HOXC4: variants seen among roughly 807,000 people sequenced by gnomAD.
HOXC4 encodes homeobox C4.
Under a neutral mutation model 25.5 loss-of-function variants are expected in HOXC4, and 15 were observed. That is an observed-to-expected ratio of 0.59 (90% CI 0.39 to 0.91). HOXC4 has a LOEUF of 0.91. Among genes scored for constraint, HOXC4 ranks in the 40% least tolerant of loss-of-function variants. The pLI, the probability that HOXC4 is intolerant of heterozygous loss-of-function variation, is 0.00. For synonymous variants in HOXC4, 165 were observed against 148.0 expected, an observed-to-expected ratio of 1.11 and a Z score of -0.83; for missense variants, 342 against 352.4, an observed-to-expected ratio of 0.97 and a Z score of 0.24.
chr12:54,045,927 C>T (rs1170432933), intron 1 of HOXC4, among the ~76,000 whole-genome samples: 3 of 152,170 alleles, frequency 2.0e-5, no homozygotes, highest in African/African-American at 7.2e-5. Flanking sequence ...CCGAAGCTCC[C>T]TACCTCTCAA....
intron 1 of HOXC4, chr12:54,029,878 G>C (rs1940915029): frequency 1.2e-6 from 2 of 1,612,586 alleles, no homozygotes; most frequent in African/African-American, 1.3e-5. Flanking sequence ...CTCTCTCGGG[G>C]GGCGGCGGAG....
At chr12:54,028,302 C>A in intron 1 of HOXC4, 1 of 417,792 alleles carries the variant, frequency 2.4e-6, no homozygotes. Flanking sequence ...ACTTTCAAAG[C>A]ACACACTTAG....
chr12:54,029,791 C>T (rs754192842), intron 1 of HOXC4: 1 of 1,614,100 alleles, frequency 6.2e-7, no homozygotes, highest in Non-Finnish European at 8.5e-7. Flanking sequence ...ACGCGCTTTG[C>T]CTGACCGAGC....
chr12:54,021,708 C>T (rs1322688851), intron 1 of HOXC4: 1 of 152,292 alleles, frequency 6.6e-6, no homozygotes, highest in Non-Finnish European at 1.5e-5. Context: ...TTGGTCACCC[C>T]AGGCACTGGG....
intron 1 of HOXC4, among the ~76,000 whole-genome samples, chr12:54,031,658 T>C (rs750500934): frequency 1.3e-5 from 2 of 152,134 alleles, no homozygotes; most frequent in African/African-American, 2.4e-5. Flanking sequence ...CCGCCAGAGT[T>C]TTCCGGGCCC....
chr12:54,055,120 C>T lies in HOXC4; in HGVS notation c.710C>T (p.Ala237Val). 1 of 1,613,316 alleles carries T rather than the reference C, an allele frequency of 6.2e-7. No homozygotes were observed. Among genetic ancestry groups the T allele is most frequent in the African/African-American group, 1.3e-5 (1 of 74,924 alleles). Residue 237 changes from alanine to valine, a missense_variant, in exon 2 of 2, where the codon GCA (alanine) becomes GTA (valine). By Grantham distance (64) the Ala-to-Val change is moderately conservative. Transcript: ENST00000430889. ...PAGAAPSTLS[A>V]ATPGTSEDHS... ...GGCGCTGCGCCCAGCACCCTTTCGG[C>T]AGCTACCCCGGGTACTTCTGAAGAC... is the stretch of plus-strand genomic sequence containing the variant.
intron 1 of HOXC4, among the ~76,000 whole-genome samples, chr12:54,039,497 G>A (rs1390914753): frequency 6.6e-6 from 1 of 151,920 alleles, no homozygotes; most frequent in Non-Finnish European, 1.5e-5. Context: ...CCTCAGTCTC[G>A]GCCAAGATTC....
rs751093193 is a variant in HOXC4, at chr12:54,054,086, C to T, written c.164C>T (p.Pro55Leu). The T allele has an allele frequency of 5.0e-6, 8 of 1,614,212 alleles. No individual in the cohort carries two copies. The highest frequency in any genetic ancestry group is 1.3e-5 in the African/African-American group (1 of 75,050). ...CATCACCACCAGGAGCTGTACCCAC[C>T]ACCGCCTCCGCGCCCTAGCTACCCT... Reference protein sequence around the residue: ...FQHHHQELYPPPPPRPSYPER... With the variant: ...FQHHHQELYPLPPPRPSYPER... The change falls in exon 1 of 2, where the codon CCA becomes CTA. Residue 55 changes from proline to leucine, a missense_variant. Physicochemically the swap from Pro to Leu is moderately conservative, Grantham distance 98 (BLOSUM62 -3). Transcript: ENST00000430889.
chr12:54,049,447 A>G (rs1228845538), upstream of HOXC4, among the ~76,000 whole-genome samples: 1 of 152,196 alleles, frequency 6.6e-6, no homozygotes, highest in African/African-American at 2.4e-5. Flanking sequence ...GCAAGGCAAG[A>G]GAAATCCATG....
chr12:54,046,048 C>G (rs772743958), intron 1 of HOXC4, among the ~76,000 whole-genome samples: 1 of 152,172 alleles, frequency 6.6e-6, no homozygotes, highest in Admixed American at 6.5e-5. Flanking sequence ...CTCCCTACAC[C>G]CCCCACTGGG....
intron 1 of HOXC4, chr12:54,021,664 C>T (rs1177770664): frequency 2.6e-5 from 4 of 152,314 alleles, no homozygotes; most frequent in African/African-American, 9.7e-5. Flanking sequence ...TTCCTCCCGC[C>T]CTTCAAGGAG....
intron 1 of HOXC4, chr12:54,034,149 C>A: frequency 1.1e-6 from 1 of 896,774 alleles, no homozygotes; most frequent in Non-Finnish European, 1.8e-6. Context: ...CTGCGGCCCG[C>A]GTGGCCTGTC....
intron 1 of HOXC4, among the ~76,000 whole-genome samples, chr12:54,037,263 T>C (rs1401812206): frequency 6.6e-6 from 1 of 152,232 alleles, no homozygotes; most frequent in Non-Finnish European, 1.5e-5. Context: ...GGGCTTCTGC[T>C]TTGGGGCCTG....
chr12:54,054,269 C>T lies in HOXC4; in HGVS notation c.347C>T (p.Ala116Val). The change falls in exon 1 of 2, where the codon GCC becomes GTC. Residue 116 changes from alanine to valine, a missense_variant. Transcript: ENST00000430889. ...GCCTCCCCGTCCCCAGCCCCGCCAG[C>T]CTGCAGCCAGCCAGCCCCCGACCAT... Reference protein sequence around the residue: ...ASASPSPAPPACSQPAPDHPS... With the variant: ...ASASPSPAPPVCSQPAPDHPS... 1.2e-6 allele frequency: 2 copies of T among 1,610,084 alleles called. No individual in the cohort carries two copies. The highest frequency in any genetic ancestry group is 1.7e-6 in the Non-Finnish European group (2 of 1,178,122).
At chr12:54,051,342 A>C (rs1329242091), upstream of HOXC4, among the ~76,000 whole-genome samples, 1 of 151,970 alleles carries the variant, frequency 6.6e-6, no homozygotes, top group Non-Finnish European at 1.5e-5. Context: ...TACAGTTCAG[A>C]CTTAGGTACT....
At chr12:54,030,733 T>C (rs1940956270) in intron 1 of HOXC4, 1 of 152,620 alleles carries the variant, frequency 6.6e-6, no homozygotes, top group Non-Finnish European at 1.5e-5. Flanking sequence ...AATAAATAAA[T>C]AAATCCCTTC....
chr12:54,036,024 G>A (rs1467361668), intron 1 of HOXC4, among the ~76,000 whole-genome samples: 1 of 152,132 alleles, frequency 6.6e-6, no homozygotes, highest in African/African-American at 2.4e-5. Flanking sequence ...AATTAACTGG[G>A]AAAGGAGCTG....
chr12:54,040,137 C>T (rs1360994279), intron 1 of HOXC4, among the ~76,000 whole-genome samples: 1 of 152,158 alleles, frequency 6.6e-6, no homozygotes, highest in Non-Finnish European at 1.5e-5. Context: ...TTGGTTTTCC[C>T]ACCCACTACC....
chr12:54,053,908 C>T lies in HOXC4; in HGVS notation c.-15C>T. 9 of 1,584,696 alleles carry T rather than the reference C, an allele frequency of 5.7e-6. No homozygotes were observed. Among genetic ancestry groups the T allele is most frequent in the Non-Finnish European group, 7.8e-6 (9 of 1,156,716 alleles). ...ACGACAAAGCGAGAAAAATTATTTTCCACTCCAGAAATTAATGATCATGAG... is the reference window on the plus strand; with the variant it reads ...ACGACAAAGCGAGAAAAATTATTTTTCACTCCAGAAATTAATGATCATGAG... On this transcript the variant is annotated 5_prime_UTR_variant, in exon 1 of 2. Coordinates refer to ENST00000430889, the MANE Select transcript of HOXC4 (RefSeq NM_153633.3).
Sources: allele counts gnomAD v4.1 joint callset (sites outside exome capture counted in the v4.1 genomes callset), GRCh38; gene constraint gnomAD v4.1.1; transcripts MANE v1.5; gene names NCBI Gene and HGNC (gene_info 2026-07-23, HGNC 2026-07-21).